Variants in CAST observed in about 807,000 individuals in gnomAD.
CAST encodes calpastatin.
In CAST, 76 loss-of-function variants were observed where a neutral mutation model predicts 119.6. That is an observed-to-expected ratio of 0.64 (90% CI 0.53 to 0.77). The LOEUF (loss-of-function observed/expected upper bound fraction) is 0.77. Among genes scored for constraint, CAST ranks in the 30% least tolerant of loss-of-function variants. CAST has a pLI of 0.00. For synonymous variants in CAST, 319 were observed against 331.6 expected, an observed-to-expected ratio of 0.96 and a Z score of 0.41; for missense variants, 953 against 946.5, an observed-to-expected ratio of 1.01 and a Z score of -0.09.
the CAST span, among the ~76,000 whole-genome samples, chr5:95,963,696 C>G: frequency 3.4e-5 from 5 of 146,938 alleles, no homozygotes; most frequent in African/African-American, 1.3e-4. Flanking sequence ...AAAAATAATT[C>G]TGTACTTGAA....
chr5:96,754,662 A>G lies in CAST; in HGVS notation c.1631A>G (p.Lys544Arg). 1 of 1,589,772 alleles carries G rather than the reference A, an allele frequency of 6.3e-7. No individual in the cohort carries two copies. Among genetic ancestry groups the G allele is most frequent in the Middle Eastern group, 1.7e-4 (1 of 5,972 alleles). The change falls in exon 22 of 32, where the codon AAG (lysine) becomes AGG (arginine). Residue 544 changes from lysine (K) to arginine (R), a missense_variant. Lys to Arg is a conservative substitution (Grantham distance 26). Coordinates refer to ENST00000675179, the MANE Select transcript of CAST (RefSeq NM_001750.7). ...GKPVMDKVKE[K>R]AKEEDREKLG... ...AAATGGTATAATTTTTCTCAGGAGA[A>G]GGCCAAAGAAGAAGACCGTGAAAAG... is the stretch of plus-strand genomic sequence containing the variant.
the CAST span, among the ~76,000 whole-genome samples, chr5:96,236,111 G>GTCTGTCTATCTA: frequency 6.4e-3 from 976 of 151,748 alleles, 9 homozygotes; most frequent in African/African-American, 0.023. Context: ...CTGTCTGTCT[G>GTCTGTCTATCTA]TCTATCTATC....
the CAST span, among the ~76,000 whole-genome samples, chr5:96,306,673 A>G: frequency 1.3e-5 from 2 of 152,158 alleles, no homozygotes; most frequent in East Asian, 3.8e-4. Flanking sequence ...GGTTTCAAAG[A>G]ACTTATTTAT....
the CAST span, among the ~76,000 whole-genome samples, chr5:96,265,492 C>G: frequency 2.0e-5 from 3 of 152,004 alleles, no homozygotes; most frequent in Non-Finnish European, 4.4e-5. Context: ...GAACCAGGAG[C>G]TCCAATGTCT....
the CAST span, among the ~76,000 whole-genome samples, chr5:96,366,078 T>C: frequency 0.31 from 46,781 of 151,998 alleles, 7,332 homozygotes; most frequent in African/African-American, 0.37. Context: ...ATTTCTCCTT[T>C]GCTTATGAAG....
intron 1 of CAST, among the ~76,000 whole-genome samples, chr5:96,613,720 GT>G (rs1198154837): frequency 4.6e-5 from 7 of 152,156 alleles, no homozygotes; most frequent in Non-Finnish European, 1.0e-4. Flanking sequence ...AACAACAATA[GT>G]AACTACCTAT....
At chr5:96,389,037 A>T in the CAST span, among the ~76,000 whole-genome samples, 16 of 151,376 alleles carry the variant, frequency 1.1e-4, no homozygotes, top group African/African-American at 3.4e-4. Flanking sequence ...TATATGTGGA[A>T]TTTTTAAAAA....
the CAST span, chr5:96,399,954 T>G: frequency 6.2e-7 from 1 of 1,609,540 alleles, no homozygotes; most frequent in Non-Finnish European, 8.5e-7. Context: ...GATACTTACC[T>G]GGGCTCAAAG....
At chr5:96,619,574 T>C (rs539249815) in intron 1 of CAST, among the ~76,000 whole-genome samples, 26 of 152,232 alleles carry the variant, frequency 1.7e-4, no homozygotes, top group Non-Finnish European at 2.9e-4. Context: ...TAAATCTTGC[T>C]GTTCCTCACT....
upstream of CAST, chr5:96,662,334 TC>T: frequency 7.7e-6 from 2 of 260,338 alleles, no homozygotes; most frequent in Non-Finnish European, 1.3e-5. Flanking sequence ...CCTCCCTCCC[TC>T]CCTCTCTCCC....
chr5:96,291,345 G>A, the CAST span, among the ~76,000 whole-genome samples: 1 of 152,174 alleles, frequency 6.6e-6, no homozygotes, highest in African/African-American at 2.4e-5. Flanking sequence ...AGATGCAAAG[G>A]CTTTGTCAAT....
the CAST span, among the ~76,000 whole-genome samples, chr5:96,449,142 GC>G: frequency 0.013 from 1,924 of 152,144 alleles, 38 homozygotes; most frequent in African/African-American, 0.044. Context: ...TAGTCTAAAA[GC>G]CCCTCTCTGC....
chr5:96,615,889 T>G (rs2150197338), intron 1 of CAST, among the ~76,000 whole-genome samples: 1 of 152,162 alleles, frequency 6.6e-6, no homozygotes, highest in African/African-American at 2.4e-5. Flanking sequence ...GGTCCTACAA[T>G]CGGCCATCTG....
intron 1 of CAST, among the ~76,000 whole-genome samples, chr5:96,626,027 G>T (rs111830599): frequency 6.6e-6 from 1 of 152,242 alleles, no homozygotes; most frequent in East Asian, 1.9e-4. Context: ...TCTGAAGGCC[G>T]TGTCCGCCTT....
At chr5:96,242,026 C>G in the CAST span, among the ~76,000 whole-genome samples, 1 of 144,936 alleles carries the variant, frequency 6.9e-6, no homozygotes, top group African/African-American at 2.6e-5. Flanking sequence ...CCTGTTCACT[C>G]TGATGGTAGT....
chr5:96,098,266 C>T, the CAST span, among the ~76,000 whole-genome samples: 1 of 152,138 alleles, frequency 6.6e-6, no homozygotes, highest in Non-Finnish European at 1.5e-5. Context: ...TTCTCCCATT[C>T]TGTAGGTTGT....
At chr5:96,189,318 A>G in the CAST span, among the ~76,000 whole-genome samples, 1 of 152,094 alleles carries the variant, frequency 6.6e-6, no homozygotes, top group Non-Finnish European at 1.5e-5. Flanking sequence ...TTTGTTCCTG[A>G]AAATTATTTT....
intron 1 of CAST, among the ~76,000 whole-genome samples, chr5:96,607,049 G>T (rs1181050044): frequency 6.6e-6 from 1 of 152,176 alleles, no homozygotes; most frequent in African/African-American, 2.4e-5. Context: ...AGCACTTTGG[G>T]AGGCCGAGGC....
chr5:96,738,169 A>G (rs866232885), intron 11 of CAST, among the ~76,000 whole-genome samples: 2 of 152,222 alleles, frequency 1.3e-5, no homozygotes, highest in Middle Eastern at 6.8e-3. Context: ...TAAAAATACA[A>G]AAATTAGCTG....
Sources: allele counts gnomAD v4.1 joint callset (sites outside exome capture counted in the v4.1 genomes callset), GRCh38; gene constraint gnomAD v4.1.1; transcripts MANE v1.5; gene names NCBI Gene and HGNC (gene_info 2026-07-23, HGNC 2026-07-21).